Variants in MCTP1 observed in about 807,000 individuals in gnomAD.
The protein encoded by MCTP1 is multiple C2 and transmembrane domain containing 1.
A neutral mutation model predicts 120.6 loss-of-function variants in MCTP1; 69 were observed. The ratio of observed to expected loss-of-function variants is 0.57; its 90% CI spans 0.47 to 0.70. The LOEUF is 0.70. Among genes scored for constraint, MCTP1 ranks in the 30% least tolerant of loss-of-function variants. The pLI, the probability that MCTP1 is intolerant of heterozygous loss-of-function variation, is 0.00. For missense variants in MCTP1, 1,203 were observed against 1,248.8 expected (o/e 0.96, Z 0.55); for synonymous variants, 529 against 493.1 (o/e 1.07, Z -0.96).
intron 17 of MCTP1, among the ~76,000 whole-genome samples, chr5:94,835,268 G>A (rs1440767751): frequency 6.6e-6 from 1 of 152,156 alleles, no homozygotes; most frequent in African/African-American, 2.4e-5. Flanking sequence ...TTTTTATGAA[G>A]CATCTTCTAA....
chr5:95,256,155 GA>G (rs1365478459), intron 1 of MCTP1, among the ~76,000 whole-genome samples: 1 of 151,810 alleles, frequency 6.6e-6, no homozygotes, highest in East Asian at 1.9e-4. Flanking sequence ...GTATTTCTCA[GA>G]AAAGAAAGAA....
intron 17 of MCTP1, among the ~76,000 whole-genome samples, chr5:94,849,059 TGAAA>T (rs1036042729): frequency 1.3e-5 from 2 of 152,050 alleles, no homozygotes; most frequent in African/African-American, 4.8e-5. Context: ...AAAGGATTCC[TGAAA>T]TAAACAAGGC....
rs532212642 is a variant in MCTP1, at chr5:94,836,284, G to C, written c.2436+32049C>G. Among the ~76,000 whole-genome samples, 7 of 151,534 alleles carry C rather than the reference G, an allele frequency of 4.6e-5. No homozygotes were observed. The East Asian group carries it at 1.4e-3, about 30-fold the overall frequency. ...ATAAACCCATCTGTAGGTCTGCACT[G>C]TGTCACTGAGAAGTGCCAATGGTAT... On this transcript the variant is annotated intron_variant, in intron 17 of 22. Coordinates refer to ENST00000515393, the MANE Select transcript of MCTP1 (RefSeq NM_024717.7).
intron 17 of MCTP1, chr5:94,867,272 A>C: frequency 6.6e-7 from 1 of 1,523,436 alleles, no homozygotes; most frequent in African/African-American, 1.4e-5. Flanking sequence ...GGAGACAACA[A>C]CACGTCTATG....
In MCTP1 at chr5:95,028,937, G is replaced by A. The variant is rs1421418214; in HGVS notation, c.721-11453C>T. Among the ~76,000 whole-genome samples, 4 of 152,246 alleles carry A rather than the reference G, an allele frequency of 2.6e-5. No individual in the cohort carries two copies. The South Asian group carries it at 6.2e-4, about 24-fold the overall frequency. Reference sequence around the variant, plus strand: ...AGCACTTTGGGAGACCAAGGCGGGCGATCGTGAGGTCAGGAGTTCGAGACC... The same window carrying A: ...AGCACTTTGGGAGACCAAGGCGGGCAATCGTGAGGTCAGGAGTTCGAGACC... On this transcript the variant is annotated intron_variant, in intron 1 of 22. Transcript: ENST00000515393.
At chr5:94,827,518 C>T (rs1202098168) in intron 17 of MCTP1, among the ~76,000 whole-genome samples, 1 of 152,122 alleles carries the variant, frequency 6.6e-6, no homozygotes, top group Non-Finnish European at 1.5e-5. Context: ...ATTGGCCTGC[C>T]TTGCTAGGTT....
chr5:94,831,284 G>A (rs1018529922), intron 17 of MCTP1, among the ~76,000 whole-genome samples: 4 of 152,168 alleles, frequency 2.6e-5, no homozygotes, highest in Admixed American at 6.5e-5. Flanking sequence ...ATCAAGTCAA[G>A]GCTATTCCTG....
intron 18 of MCTP1, among the ~76,000 whole-genome samples, chr5:94,779,511 T>C (rs2152937928): frequency 6.6e-6 from 1 of 152,276 alleles, no homozygotes; most frequent in South Asian, 2.1e-4. Context: ...CACTTTAAAT[T>C]GAGAACTAGA....
rs1250023992 is a variant in MCTP1, at chr5:95,283,974, A to G, written c.602T>C (p.Leu201Pro). 1.4e-6 allele frequency: 2 copies of G among 1,436,706 alleles called. No individual in the cohort carries two copies. The highest frequency in any genetic ancestry group is 3.0e-5 in the Admixed American group (1 of 33,298). 89.0% of individuals were successfully genotyped at this position (1,436,706 alleles called of 1,614,324 possible). ...CTGCTCCAGGCAGGCGGTGCCCGGC[A>G]GAGAGGAGCTCTTCTGGTGGCACAA... ...AHLCHQKSSS[L>P]PGTACLEQLL... Residue 201 changes from leucine (L) to proline (P), a missense_variant, in exon 1 of 23, where the codon CTG becomes CCG. Leu to Pro is a moderately conservative substitution (Grantham distance 98). This residue lies in a region of MCTP1 where 463 missense variants were observed against 377.8 expected (regional missense o/e 1.23). Transcript: ENST00000515393.
At chr5:95,050,940 G>A (rs1028433447) in intron 1 of MCTP1, among the ~76,000 whole-genome samples, 24 of 152,208 alleles carry the variant, frequency 1.6e-4, no homozygotes, top group Admixed American at 9.2e-4. Context: ...AGAGTACCAC[G>A]TGTAGGTTGG....
At chr5:95,159,716 T>C (rs528927357) in intron 1 of MCTP1, among the ~76,000 whole-genome samples, 49 of 152,188 alleles carry the variant, frequency 3.2e-4, no homozygotes, top group African/African-American at 1.1e-3. Context: ...CTGAAGCACA[T>C]TGAAGCTTGA....
intron 1 of MCTP1, among the ~76,000 whole-genome samples, chr5:95,194,390 C>T (rs941537081): frequency 6.6e-6 from 1 of 152,136 alleles, no homozygotes; most frequent in Non-Finnish European, 1.5e-5. Flanking sequence ...GGAAAAATTA[C>T]CTGCCATGGT....
intron 1 of MCTP1, among the ~76,000 whole-genome samples, chr5:95,073,425 C>G (rs1208198950): frequency 6.6e-6 from 1 of 152,172 alleles, no homozygotes; most frequent in Non-Finnish European, 1.5e-5. Flanking sequence ...TCCCTCGACA[C>G]TGTCCCCCAC....
chr5:94,953,460 G>T, intron 2 of MCTP1, 99 bp from the exon 3 acceptor site: 1 of 961,550 alleles, frequency 1.0e-6, no homozygotes, highest in Non-Finnish European at 1.4e-6. Flanking sequence ...AGGAAGAAAA[G>T]TTAAATGAAA....
At chr5:94,909,125 G>T in intron 10 of MCTP1, 126 bp downstream of exon 10, 1 of 1,151,010 alleles carries the variant, frequency 8.7e-7, no homozygotes, top group Non-Finnish European at 1.2e-6. Context: ...TCCAAGCATT[G>T]CCTTACCATG....
At position 95,091,015 on chromosome 5, in the gene MCTP1, TATCA is replaced by T. The variant is rs1755804002; in HGVS notation, c.721-73535_721-73532del. 3.3e-5 allele frequency among the ~76,000 whole-genome samples: 5 copies of T among 152,288 alleles called. No individual in the cohort carries two copies. In the South Asian group the frequency reaches 1.0e-3, roughly 32 times the overall value. On this transcript the variant is annotated intron_variant, in intron 1 of 22. Coordinates refer to ENST00000515393, the MANE Select transcript of MCTP1 (RefSeq NM_024717.7). ...CCCTGCCCACAAGGGGTTTACAGTC[TATCA>T]ATCAAATTACTTCGTAGACACCTCC... is the stretch of plus-strand genomic sequence containing the variant.
chr5:95,015,205 G>A (rs1395832155), intron 2 of MCTP1, among the ~76,000 whole-genome samples: 1 of 152,006 alleles, frequency 6.6e-6, no homozygotes, highest in Non-Finnish European at 1.5e-5. Context: ...CTTTATTGTG[G>A]TGGTCTGGAA....
rs190882971 is a variant in MCTP1, at chr5:94,935,780, A to G, written c.1174-3789T>C. 1.4e-3 allele frequency among the ~76,000 whole-genome samples: 206 copies of G among 152,166 alleles called. 1 individual carries two copies. Among genetic ancestry groups the G allele is most frequent in the Non-Finnish European group, 1.9e-3 (128 of 67,948 alleles). ...AAATTTGCCTTTATTCCTTTCTTAC[A>G]TAATTCTCATTTTCTGGGGATTGTG... On this transcript the variant is annotated intron_variant, in intron 5 of 22. Coordinates refer to ENST00000515393, the MANE Select transcript of MCTP1 (RefSeq NM_024717.7).
chr5:95,252,711 A>AT (rs1416143857), intron 1 of MCTP1, among the ~76,000 whole-genome samples: 1 of 151,642 alleles, frequency 6.6e-6, no homozygotes, highest in Non-Finnish European at 1.5e-5. Context: ...ATTTTTCCCT[A>AT]TTTTTTTATT....
Sources: gnomAD v4.1 joint callset for allele counts (sites outside exome capture counted in the v4.1 genomes callset) on GRCh38, gnomAD v4.1.1 for gene constraint, gnomAD v4.1.1 regional missense constraint, MANE v1.5 for transcripts, NCBI Gene and HGNC (gene_info 2026-07-23, HGNC 2026-07-21) for gene names.